Variants in SUN1 observed in about 807,000 individuals in gnomAD.
SUN1 encodes SUN domain-containing protein 1.
SUN1 carries 61 observed loss-of-function variants against 103.2 expected under a neutral mutation model. The observed-to-expected ratio is 0.59, with a 90% CI of 0.48 to 0.73. The LOEUF is 0.73. Ranked by LOEUF, SUN1 falls within the 30% of genes least tolerant of loss-of-function variation. The pLI, the probability that SUN1 is intolerant of heterozygous loss-of-function variation, is 0.00. For synonymous variants in SUN1, 490 were observed against 425.7 expected (o/e 1.15, Z -1.86); for missense variants, 1,052 against 1,034.6 (o/e 1.02, Z -0.23).
chr7:839,393 CT>C (rs1170353306), intron 2 of SUN1, among the ~76,000 whole-genome samples: 1 of 152,182 alleles, frequency 6.6e-6, no homozygotes, highest in African/African-American at 2.4e-5. Flanking sequence ...CCAGTTCATT[CT>C]TTTTTCTGGA....
At chr7:848,037 T>G (rs1014534115) in intron 5 of SUN1, among the ~76,000 whole-genome samples, 1 of 151,214 alleles carries the variant, frequency 6.6e-6, no homozygotes, top group Admixed American at 6.6e-5. Flanking sequence ...TGCAGTCCAG[T>G]CTCCGGGATC....
intron 15 of SUN1, among the ~76,000 whole-genome samples, chr7:863,696 C>G (rs1024238821): frequency 3.9e-5 from 6 of 152,184 alleles, no homozygotes; most frequent in African/African-American, 1.2e-4. Flanking sequence ...ATTATTGTGA[C>G]GGAAGGTCTG....
chr7:832,657 G>A lies in SUN1; in HGVS notation c.77+56G>A, dbSNP rs370966567. 197 of 1,439,800 alleles carry A rather than the reference G, an allele frequency of 1.4e-4. 2 individuals are homozygous for A. The African/African-American group carries it at 2.3e-3, about 17-fold the overall frequency. 89.2% of individuals were successfully genotyped at this position (1,439,800 alleles called of 1,614,324 possible). On this transcript the variant is annotated intron_variant, in intron 1 of 18. Transcript: ENST00000401592. ...CCTTGCAATGCCCACTCGCTGTCGCGGTGGCGTGGACCTTAACAGGAACTC... is the reference window on the plus strand; with the variant it reads ...CCTTGCAATGCCCACTCGCTGTCGCAGTGGCGTGGACCTTAACAGGAACTC...
chr7:815,947 TG>T, upstream of SUN1: 2 of 205,484 alleles, frequency 9.7e-6, no homozygotes, highest in South Asian at 9.5e-5. Context: ...CCGTCGGAAG[TG>T]GGGGCTGCCT....
intron 13 of SUN1, among the ~76,000 whole-genome samples, chr7:858,979 C>T (rs951116348): frequency 1.3e-5 from 2 of 152,070 alleles, no homozygotes; most frequent in Non-Finnish European, 2.9e-5. Context: ...CATGGTGAAA[C>T]CGCGTCTCTA....
intron 5 of SUN1, among the ~76,000 whole-genome samples, chr7:847,414 C>T (rs544775470): frequency 4.3e-4 from 63 of 147,662 alleles, no homozygotes; most frequent in Non-Finnish European, 6.9e-4. Context: ...CTGGGGGTTA[C>T]CCCGCAGCAC....
At chr7:859,601 T>C (rs1830576373) in intron 13 of SUN1, among the ~76,000 whole-genome samples, 1 of 152,184 alleles carries the variant, frequency 6.6e-6, no homozygotes, top group Non-Finnish European at 1.5e-5. Flanking sequence ...TGATGAACGG[T>C]CGTGTCCTAG....
chr7:857,762 G>A, intron 12 of SUN1, 66 bp from the exon 13 acceptor site: 1 of 1,463,474 alleles, frequency 6.8e-7, no homozygotes, highest in African/African-American at 1.4e-5. Context: ...CTCAGCCTGT[G>A]TGTAGTGTGG....
rs760281094 is a variant in SUN1, at chr7:838,773, C to T, written c.78-25C>T. The T allele has an allele frequency of 3.1e-5, 47 of 1,522,650 alleles. 2 individuals carry two copies. In the South Asian group the frequency reaches 5.8e-4, roughly 19 times the overall value. 94.3% of individuals were successfully genotyped at this position (1,522,650 alleles called of 1,614,324 possible). A position where few individuals can be genotyped will look rare whatever the true frequency, so the allele number is the denominator to read the frequency against. On this transcript the variant is annotated intron_variant, in intron 1 of 18. Coordinates refer to ENST00000401592, the MANE Select transcript of SUN1 (RefSeq NM_001130965.3). ...GAATGGGGGCTATAAGCACTGCTTA[C>T]CTCTGATGAGCTTTTTCCTTCTAGT...
Position 855,972 on chromosome 7 carries a change from C to T in SUN1, c.1351-386C>T, listed in dbSNP as rs552308385. Among the ~76,000 whole-genome samples, 3 of 152,350 alleles carry T rather than the reference C, an allele frequency of 2.0e-5. No homozygotes were observed. The South Asian group carries it at 6.2e-4, about 32-fold the overall frequency. On this transcript the variant is annotated intron_variant, in intron 11 of 18. Transcript: ENST00000401592. The stretch of plus-strand genomic sequence containing the variant: ...GTGAGACTTGGGGCTGACGCTGGTG[C>T]TCAGCGTGGTGCTGCTGCGGATGGC...
intron 13 of SUN1, 62 bp from the exon 14 acceptor site, chr7:860,066 C>T (rs1239591491): frequency 6.3e-7 from 1 of 1,585,038 alleles, no homozygotes; most frequent in South Asian, 1.1e-5. Flanking sequence ...AGATAATGGA[C>T]CCGAACAGTG....
chr7:864,077 G>T lies in SUN1; in HGVS notation c.1865-1875G>T, dbSNP rs1174804700. Among the ~76,000 whole-genome samples, 3 of 152,032 alleles carry T rather than the reference G, an allele frequency of 2.0e-5. No individual in the cohort carries two copies. The East Asian group carries it at 5.8e-4, about 29-fold the overall frequency. On this transcript the variant is annotated intron_variant, in intron 15 of 18. Transcript: ENST00000401592. ...ATTTTCAAACTTATGTATTTTAATG[G>T]CTTAACTAATTATCTATTTTTTAAT...
chr7:852,420 A>G, intron 7 of SUN1, 189 bp from the exon 8 acceptor site: 1 of 666,008 alleles, frequency 1.5e-6, no homozygotes, highest in Middle Eastern at 4.1e-4. Context: ...TTGGTAACGT[A>G]GGTCTCAAAG....
intron 15 of SUN1, among the ~76,000 whole-genome samples, chr7:863,290 G>A (rs112341066): frequency 0.12 from 17,200 of 139,330 alleles, 1,704 homozygotes; most frequent in African/African-American, 0.16. Flanking sequence ...CCGCCCTCCC[G>A]AGCTCGCCCT....
intron 10 of SUN1, among the ~76,000 whole-genome samples, chr7:853,844 G>T (rs1466855082): frequency 1.3e-5 from 2 of 152,228 alleles, no homozygotes; most frequent in Admixed American, 6.5e-5. Context: ...GGAAGTGGTG[G>T]GCGGGAGACT....
chr7:828,695 A>G (rs1210271043), upstream of SUN1, among the ~76,000 whole-genome samples: 1 of 152,196 alleles, frequency 6.6e-6, no homozygotes, highest in Non-Finnish European at 1.5e-5. Flanking sequence ...ACCAGCAAAC[A>G]CAAGATAAAA....
At chr7:856,513 A>T in intron 12 of SUN1, 112 bp downstream of exon 12, 1 of 1,211,294 alleles carries the variant, frequency 8.3e-7, no homozygotes, top group Non-Finnish European at 1.2e-6. Context: ...CCCGAGGGTC[A>T]CCTGAAGGCC....
At chr7:840,006 A>C (rs978439292) in intron 2 of SUN1, among the ~76,000 whole-genome samples, 3 of 152,228 alleles carry the variant, frequency 2.0e-5, no homozygotes, top group African/African-American at 7.2e-5. Context: ...ACAAAAGTCT[A>C]CAAGATCTTT....
chr7:861,556 C>A, intron 15 of SUN1, 92 bp downstream of exon 15: 1 of 1,219,224 alleles, frequency 8.2e-7, no homozygotes, highest in Non-Finnish European at 1.2e-6. Context: ...CCACTTCCAG[C>A]AGTAAGGACT....
Sources: gnomAD v4.1 joint callset for allele counts (sites outside exome capture counted in the v4.1 genomes callset) on GRCh38, gnomAD v4.1.1 for gene constraint, MANE v1.5 for transcripts, NCBI Gene and HGNC (gene_info 2026-07-23, HGNC 2026-07-21) for gene names.